The following UST variants were observed in gnomAD, a reference collection of about 807,000 sequenced individuals.
The protein encoded by UST is uronyl 2-sulfotransferase.
UST carries 21 observed loss-of-function variants against 45.6 expected under a neutral mutation model. The observed-to-expected ratio is 0.46, with a 90% CI of 0.33 to 0.66. UST has a LOEUF of 0.66. UST is among the 30% of genes least tolerant of loss of function. UST has a pLI of 0.02. For missense variants in UST, 463 were observed against 512.4 expected (o/e 0.90, Z 0.93); for synonymous variants, 215 against 200.6 (o/e 1.07, Z -0.61).
chr6:148,800,603 T>A (rs951238082), intron 1 of UST, among the ~76,000 whole-genome samples: 4 of 152,080 alleles, frequency 2.6e-5, no homozygotes, highest in Non-Finnish European at 5.9e-5. Flanking sequence ...CCACTTTAGA[T>A]TTTTGCAAGG....
chr6:149,001,070 T>A (rs911728534), intron 5 of UST, among the ~76,000 whole-genome samples: 10 of 131,674 alleles, frequency 7.6e-5, no homozygotes, highest in Non-Finnish European at 1.6e-4. Flanking sequence ...TTGGAGATGA[T>A]TCTTTTTTTT....
rs1288080669 is a variant in UST, at chr6:148,786,009, GT to G, written c.247+38334del. ...TGCCCTGTTCAGACAAAAATATCAT[GT>G]TAGCTTTTTAAATAGTATATAGTGC... On this transcript the variant is annotated intron_variant, in intron 1 of 7. Coordinates refer to ENST00000367463, the MANE Select transcript of UST (RefSeq NM_005715.3). 2.6e-5 allele frequency among the ~76,000 whole-genome samples: 4 copies of G among 151,810 alleles called. No individual in the cohort carries two copies. In the East Asian group the frequency reaches 7.7e-4, roughly 29 times the overall value.
chr6:148,848,083 C>A (rs1778032652), intron 1 of UST, among the ~76,000 whole-genome samples: 1 of 152,146 alleles, frequency 6.6e-6, no homozygotes, highest in Non-Finnish European at 1.5e-5. Flanking sequence ...GGAAAAAAAT[C>A]TTAGGGTCAT....
In UST at chr6:148,856,235, C is replaced by T. The variant is rs552245949; in HGVS notation, c.248-30751C>T. 1.7e-3 allele frequency among the ~76,000 whole-genome samples: 260 copies of T among 152,238 alleles called. 3 individuals carry two copies. Among genetic ancestry groups the T allele is most frequent in the African/African-American group, 6.1e-3 (252 of 41,536 alleles). On this transcript the variant is annotated intron_variant, in intron 1 of 7. Transcript: ENST00000367463. ...GTTTCACCATCTTGACCAGGCTGGC[C>T]TTGAACTCCTGACCTCGTGATCCAC...
intron 4 of UST, chr6:148,955,952 A>G (rs1780487761): frequency 1.3e-5 from 2 of 152,242 alleles, no homozygotes; most frequent in Admixed American, 6.5e-5. Context: ...CTCTACCAAC[A>G]AACACGTGTA....
At chr6:148,875,986 G>T (rs1220331581) in intron 1 of UST, among the ~76,000 whole-genome samples, 1 of 152,132 alleles carries the variant, frequency 6.6e-6, no homozygotes, top group Non-Finnish European at 1.5e-5. Flanking sequence ...TTAAATATAT[G>T]TATTAAGCTG....
chr6:148,882,013 T>TC (rs1582875444), intron 1 of UST, among the ~76,000 whole-genome samples: 2 of 152,104 alleles, frequency 1.3e-5, no homozygotes, highest in East Asian at 3.8e-4. Flanking sequence ...AACTTTTCTT[T>TC]CCCCCTTTCT....
chr6:148,942,751 T>C (rs971347554), intron 3 of UST, among the ~76,000 whole-genome samples: 2 of 152,178 alleles, frequency 1.3e-5, no homozygotes, highest in Non-Finnish European at 2.9e-5. Context: ...GACAGTAACA[T>C]AGCCAACCAT....
At position 148,927,126 on chromosome 6, in the gene UST, G is replaced by A. The variant is rs377662088; in HGVS notation, c.292-14153G>A. On this transcript the variant is annotated intron_variant, in intron 2 of 7. Coordinates refer to ENST00000367463, the MANE Select transcript of UST (RefSeq NM_005715.3). ...TCCTTACGTCCCCGTTATGTATTGAGCTAAGTACAGTTGCAAAGAGAGAGA... is the reference window on the plus strand; with the variant it reads ...TCCTTACGTCCCCGTTATGTATTGAACTAAGTACAGTTGCAAAGAGAGAGA... Among the ~76,000 whole-genome samples the A allele has an allele frequency of 2.6e-5, 4 of 151,752 alleles. No homozygotes were observed. In the South Asian group the frequency reaches 6.3e-4, roughly 24 times the overall value.
At chr6:148,973,716 T>G (rs1490799127) in intron 5 of UST, among the ~76,000 whole-genome samples, 1 of 152,222 alleles carries the variant, frequency 6.6e-6, no homozygotes, top group Non-Finnish European at 1.5e-5. Flanking sequence ...TTTTTTTCCC[T>G]ACCCAGCTGT....
chr6:148,808,004 G>A (rs538291588), intron 1 of UST, among the ~76,000 whole-genome samples: 12 of 152,326 alleles, frequency 7.9e-5, no homozygotes, highest in South Asian at 4.1e-4. Context: ...TGTAGGCCAC[G>A]AACAGAAGCC....
chr6:148,791,251 C>T (rs572045258), intron 1 of UST, among the ~76,000 whole-genome samples: 4 of 152,072 alleles, frequency 2.6e-5, no homozygotes, highest in Non-Finnish European at 5.9e-5. Context: ...ATTATCTGGC[C>T]CCAAATGTCA....
At chr6:148,992,270 C>T (rs1167297769) in intron 5 of UST, among the ~76,000 whole-genome samples, 6 of 152,020 alleles carry the variant, frequency 3.9e-5, no homozygotes, top group East Asian at 3.9e-4. Flanking sequence ...TTTGAGAGGC[C>T]GAGGCGGGCA....
intron 7 of UST, among the ~76,000 whole-genome samples, chr6:149,058,875 G>GT (rs1252831856): frequency 6.6e-6 from 1 of 152,044 alleles, no homozygotes; most frequent in East Asian, 1.9e-4. Context: ...TATTTTAGTG[G>GT]TAAAAACTGT....
Position 148,898,467 on chromosome 6 carries a change from T to C in UST, c.291+11438T>C, listed in dbSNP as rs377145096. Among the ~76,000 whole-genome samples the C allele has an allele frequency of 2.0e-5, 3 of 152,222 alleles. No individual in the cohort carries two copies. In the East Asian group the frequency reaches 5.8e-4, roughly 29 times the overall value. ...GCCTGTATTCCCACTTCACTCTTAC[T>C]TCGCGCTCATCACATTTCTTAAACC... On this transcript the variant is annotated intron_variant, in intron 2 of 7. Coordinates refer to ENST00000367463, the MANE Select transcript of UST (RefSeq NM_005715.3).
At chr6:148,856,714 T>C (rs1778212868) in intron 1 of UST, among the ~76,000 whole-genome samples, 1 of 152,162 alleles carries the variant, frequency 6.6e-6, no homozygotes, top group Admixed American at 6.5e-5. Flanking sequence ...GAAGGCTGCC[T>C]TTGAACTGAC....
At position 149,075,404 on chromosome 6, in the gene UST, G is replaced by C. The variant is rs1288957958; in HGVS notation, c.*1288G>C. 1 of 152,156 alleles carries C rather than the reference G, an allele frequency of 6.6e-6. No homozygotes were observed. The highest frequency in any genetic ancestry group is 1.5e-5 in the Non-Finnish European group (1 of 68,028). 9.4% of individuals were successfully genotyped at this position (152,156 alleles called of 1,614,324 possible). On this transcript the variant is annotated 3_prime_UTR_variant, in exon 8 of 8. Transcript: ENST00000367463. ...TAGAGTCCCATTTCTTATGGGACCT[G>C]TGTGCTCCTGAGAACTCTTACTTGA...
chr6:148,991,524 C>T (rs939743520), intron 5 of UST, among the ~76,000 whole-genome samples: 53 of 122,892 alleles, frequency 4.3e-4, no homozygotes, highest in African/African-American at 1.4e-3. Context: ...CCCCACCCCA[C>T]GACAGGCCCC....
In UST at chr6:149,074,339, A is replaced by G. The variant is rs1242356593; in HGVS notation, c.*223A>G. The G allele has an allele frequency of 7.1e-6, 4 of 562,050 alleles. No homozygotes were observed. Among genetic ancestry groups the G allele is most frequent in the Non-Finnish European group, 1.3e-5 (4 of 319,746 alleles). The allele number at this position is 562,050 out of a possible 1,614,324, so 34.8% of individuals were successfully genotyped here. On this transcript the variant is annotated 3_prime_UTR_variant, in exon 8 of 8. Coordinates refer to ENST00000367463, the MANE Select transcript of UST (RefSeq NM_005715.3). ...TCTTTGGGTCTTTCCCGGGTACACTAGATGGCTCCATCCCAAGGCATCTTG... is the reference window on the plus strand; with the variant it reads ...TCTTTGGGTCTTTCCCGGGTACACTGGATGGCTCCATCCCAAGGCATCTTG...
Sources: gnomAD v4.1 joint callset for allele counts (sites outside exome capture counted in the v4.1 genomes callset) on GRCh38, gnomAD v4.1.1 for gene constraint, MANE v1.5 for transcripts, NCBI Gene and HGNC (gene_info 2026-07-23, HGNC 2026-07-21) for gene names.